The following RABEP1 variants were observed in gnomAD, a reference collection of about 807,000 sequenced individuals.
RABEP1 encodes rabaptin, RAB GTPase binding effector protein 1.
RABEP1 carries 51 observed loss-of-function variants against 123.4 expected under a neutral mutation model. The observed-to-expected ratio is 0.41, with a 90% CI of 0.33 to 0.52. The LOEUF is 0.52. Ranked by LOEUF, RABEP1 falls within the 20% of genes least tolerant of loss-of-function variation. RABEP1 has a pLI of 0.16. For missense variants in RABEP1, 888 were observed against 996.3 expected (o/e 0.89, Z 1.46); for synonymous variants, 347 against 355.2 (o/e 0.98, Z 0.26).
At chr17:5,351,355 A>G (rs1908536221) in intron 7 of RABEP1, among the ~76,000 whole-genome samples, 1 of 152,182 alleles carries the variant, frequency 6.6e-6, no homozygotes, top group Non-Finnish European at 1.5e-5. Context: ...TGATCAAGTG[A>G]AAAGTCTTCC....
Position 5,361,468 on chromosome 17 carries a change from T to C in RABEP1, c.1356T>C (p.Phe452=), listed in dbSNP as rs1476708621. Residue 452 remains phenylalanine (F), a synonymous_variant, in exon 9 of 18, where the codon TTT becomes TTC. Transcript: ENST00000537505. ...LVGADSVSEN[F]DTASLGSLQM... ...GAGCAGATTCAGTGTCTGAGAACTT[T>C]GATACTGCATCCCTTGGGTCACTCC... The C allele has an allele frequency of 6.2e-7, 1 of 1,614,220 alleles. No homozygotes were observed. The highest frequency in any genetic ancestry group is 2.2e-5 in the East Asian group (1 of 44,882).
At chr17:5,300,177 T>G (rs1267203540) in intron 1 of RABEP1, among the ~76,000 whole-genome samples, 2 of 152,068 alleles carry the variant, frequency 1.3e-5, no homozygotes, top group Non-Finnish European at 2.9e-5. Context: ...AGTGCATGAG[T>G]TTTTCATTTC....
chr17:5,361,014 A>C, intron 8 of RABEP1, 194 bp from the exon 9 acceptor site: 1 of 588,388 alleles, frequency 1.7e-6, no homozygotes, highest in South Asian at 2.1e-5. Context: ...TATCTTGCTC[A>C]CAGTTGTATC....
intron 6 of RABEP1, among the ~76,000 whole-genome samples, chr17:5,349,187 C>T (rs888174633): frequency 3.3e-5 from 5 of 151,998 alleles, no homozygotes; most frequent in Non-Finnish European, 7.4e-5. Flanking sequence ...GACTGGAGAG[C>T]GGTAATATTA....
At chr17:5,285,096 TAAA>T (rs1036057603) in intron 1 of RABEP1, among the ~76,000 whole-genome samples, 2 of 152,100 alleles carry the variant, frequency 1.3e-5, no homozygotes, top group African/African-American at 4.8e-5. Flanking sequence ...TTTTGTAAGT[TAAA>T]AAAAGTTTTG....
In RABEP1 at chr17:5,282,426, G is replaced by C; in HGVS notation, c.-61G>C. 1 of 1,269,314 alleles carries C rather than the reference G, an allele frequency of 7.9e-7. No homozygotes were observed. The allele number at this position is 1,269,314 out of a possible 1,614,324, so 78.6% of individuals were successfully genotyped here. A position where few individuals can be genotyped will look rare whatever the true frequency, so the allele number is the denominator to read the frequency against. On this transcript the variant is annotated 5_prime_UTR_variant, in exon 1 of 18. Coordinates refer to ENST00000537505, the MANE Select transcript of RABEP1 (RefSeq NM_004703.6). ...GACGCCTCCTCCGCCAGCTGAGCCC[G>C]CGGGAGCCCAGGACGCCGCTTCCCC...
In RABEP1 at chr17:5,385,440, ACAGT is replaced by A; in HGVS notation, c.*2220_*2223del. On this transcript the variant is annotated 3_prime_UTR_variant, in exon 18 of 18. Coordinates refer to ENST00000537505, the MANE Select transcript of RABEP1 (RefSeq NM_004703.6). The stretch of plus-strand genomic sequence containing the variant: ...TACCTTATCATGTGGCTTTTAATTG[ACAGT>A]CACTCAGCCATTTCTAAGCAGATAT... The A allele has an allele frequency of 4.3e-6, 1 of 230,090 alleles. No homozygotes were observed. The allele number at this position is 230,090 out of a possible 1,614,324, so 14.3% of individuals were successfully genotyped here.
Position 5,338,047 on chromosome 17 carries a change from C to T in RABEP1, c.557C>T (p.Ser186Phe), listed in dbSNP as rs1907252871. The change falls in exon 5 of 18, where the codon TCC becomes TTC. Residue 186 changes from serine (S) to phenylalanine (F), a missense_variant. Coordinates refer to ENST00000537505, the MANE Select transcript of RABEP1 (RefSeq NM_004703.6). Reference protein sequence around the residue: ...KAQEDAEKLRSVVMPMEKEIA... With the variant: ...KAQEDAEKLRFVVMPMEKEIA... ...CAAGAGGATGCTGAGAAACTTCGGTCCGTTGTGATGCCAATGGAAAAGGAA... is the reference window on the plus strand; with the variant it reads ...CAAGAGGATGCTGAGAAACTTCGGTTCGTTGTGATGCCAATGGAAAAGGAA... 13 of 1,613,288 alleles carry T rather than the reference C, an allele frequency of 8.1e-6. No homozygotes were observed. Among genetic ancestry groups the T allele is most frequent in the East Asian group, 4.5e-5 (2 of 44,846 alleles).
chr17:5,358,050 G>A (rs1204816133), intron 8 of RABEP1, among the ~76,000 whole-genome samples: 1 of 152,030 alleles, frequency 6.6e-6, no homozygotes, highest in Non-Finnish European at 1.5e-5. Context: ...GAGGTGGTTG[G>A]GATATGGGTT....
chr17:5,375,088 T>C (rs1384895360), intron 13 of RABEP1, among the ~76,000 whole-genome samples: 1 of 151,632 alleles, frequency 6.6e-6, no homozygotes, highest in East Asian at 1.9e-4. Context: ...ATCCAATCTT[T>C]ATACCTGTTT....
intron 1 of RABEP1, among the ~76,000 whole-genome samples, chr17:5,288,608 T>G (rs1409189472): frequency 2.0e-5 from 3 of 152,208 alleles, no homozygotes; most frequent in Non-Finnish European, 2.9e-5. Context: ...TTCGTCAGGC[T>G]GGCCTCTAAC....
At position 5,368,468 on chromosome 17, in the gene RABEP1, G is replaced by C. The variant is rs61735455; in HGVS notation, c.1884G>C (p.Met628Ile). 82,025 of 1,603,328 alleles carry C rather than the reference G, an allele frequency of 0.051. 2,476 individuals carry two copies. The highest frequency in any genetic ancestry group is 0.059 in the Non-Finnish European group (68,533 of 1,171,112). The change falls in exon 12 of 18, where the codon ATG (methionine) becomes ATC (isoleucine). Residue 628 changes from methionine to isoleucine, a missense_variant and splice_region_variant. Coordinates refer to ENST00000537505, the MANE Select transcript of RABEP1 (RefSeq NM_004703.6). Reference sequence around the variant, plus strand: ...CAAAGAGGGATGTTCAGGAACAGATGGTAAGTTTACATTTTAAGTAAATGA... The same window carrying C: ...CAAAGAGGGATGTTCAGGAACAGATCGTAAGTTTACATTTTAAGTAAATGA... ...SQAKRDVQEQ[M>I]AVLMQSREQV...
chr17:5,338,777 A>T (rs1302784413), intron 5 of RABEP1, among the ~76,000 whole-genome samples: 1 of 152,152 alleles, frequency 6.6e-6, no homozygotes, highest in African/African-American at 2.4e-5. Context: ...TTGTTTTCTG[A>T]TGCCAGCTCC....
In RABEP1 at chr17:5,383,663, G is replaced by C. The variant is rs1911693056; in HGVS notation, c.*440G>C. ...AGTAACAGTATTCAGTTAGCAGACA[G>C]AAGTGTAGTATGCTGTATGAATATT... On this transcript the variant is annotated 3_prime_UTR_variant, in exon 18 of 18. Coordinates refer to ENST00000537505, the MANE Select transcript of RABEP1 (RefSeq NM_004703.6). The C allele has an allele frequency of 4.2e-6, 1 of 239,646 alleles. No individual in the cohort carries two copies. Among genetic ancestry groups the C allele is most frequent in the Admixed American group, 5.2e-5 (1 of 19,318 alleles). 14.8% of individuals were successfully genotyped at this position (239,646 alleles called of 1,614,324 possible).
At chr17:5,294,615 G>A (rs1218222072) in intron 1 of RABEP1, among the ~76,000 whole-genome samples, 1 of 133,966 alleles carries the variant, frequency 7.5e-6, no homozygotes, top group Non-Finnish European at 1.6e-5. Flanking sequence ...CTCAGATACT[G>A]AGGGAAAACG....
intron 2 of RABEP1, among the ~76,000 whole-genome samples, chr17:5,320,418 C>A: frequency 8.6e-5 from 3 of 35,072 alleles, no homozygotes; most frequent in Admixed American, 6.6e-4. Flanking sequence ...AATGCTAACA[C>A]ACCAAAAAAA....
chr17:5,341,416 A>T (rs1169218867), intron 5 of RABEP1, among the ~76,000 whole-genome samples: 1 of 152,256 alleles, frequency 6.6e-6, no homozygotes, highest in Non-Finnish European at 1.5e-5. Flanking sequence ...CAGGAAAGGT[A>T]GTCAGTAATT....
In RABEP1 at chr17:5,379,350, G is replaced by A. The variant is rs952497140; in HGVS notation, c.2272-1014G>A. Reference sequence around the variant, plus strand: ...ATCTCCGACTTTTCCAGATGTCCCCGCGCAGTGCCGGGCCTTGAACTTCTG... The same window carrying A: ...ATCTCCGACTTTTCCAGATGTCCCCACGCAGTGCCGGGCCTTGAACTTCTG... On this transcript the variant is annotated intron_variant, in intron 15 of 17. Transcript: ENST00000537505. Among the ~76,000 whole-genome samples the A allele has an allele frequency of 9.9e-5, 15 of 152,220 alleles. 1 individual carries two copies. Among genetic ancestry groups the A allele is most frequent in the South Asian group, 4.2e-4 (2 of 4,814 alleles).
At chr17:5,330,118 A>G (rs2144593927) in intron 2 of RABEP1, among the ~76,000 whole-genome samples, 1 of 152,228 alleles carries the variant, frequency 6.6e-6, no homozygotes, top group South Asian at 2.1e-4. Flanking sequence ...CTTTTTTCAC[A>G]TTTTATGAAA....
Sources: gnomAD v4.1 joint callset for allele counts (sites outside exome capture counted in the v4.1 genomes callset) on GRCh38, gnomAD v4.1.1 for gene constraint, MANE v1.5 for transcripts, NCBI Gene and HGNC (gene_info 2026-07-23, HGNC 2026-07-21) for gene names.